Variants in PRKDC observed in about 807,000 individuals in gnomAD.
The protein encoded by PRKDC is protein kinase, DNA-activated, catalytic subunit.
A neutral mutation model predicts 486.9 loss-of-function variants in PRKDC; 82 were observed. The ratio of observed to expected loss-of-function variants is 0.17; its 90% confidence interval spans 0.14 to 0.20. The LOEUF is 0.20. Among genes scored for constraint, PRKDC ranks in the 10% least tolerant of loss-of-function variants. PRKDC has a pLI of 1.00. For synonymous variants in PRKDC, 1,895 were observed against 1,837.0 expected (o/e 1.03, Z -0.81); for missense variants, 4,504 against 5,038.2 (o/e 0.89, Z 3.21).
At chr8:47,816,676 T>C (rs1192043799) in intron 68 of PRKDC, among the ~76,000 whole-genome samples, 3 of 152,022 alleles carry the variant, frequency 2.0e-5, no homozygotes, top group African/African-American at 7.2e-5. Context: ...TAGGGTCTGG[T>C]AGAAAAGAAA....
At chr8:47,918,125 G>A (rs1168834667) in intron 22 of PRKDC, among the ~76,000 whole-genome samples, 152 bp downstream of exon 22, 1 of 152,188 alleles carries the variant, frequency 6.6e-6, no homozygotes, top group African/African-American at 2.4e-5. Flanking sequence ...GCGCCACCAT[G>A]CCTGGTCAAT....
chr8:47,845,665 A>G (rs2088247423), intron 54 of PRKDC, among the ~76,000 whole-genome samples: 3 of 151,622 alleles, frequency 2.0e-5, no homozygotes, highest in Admixed American at 6.6e-5. Context: ...AATTAAATCA[A>G]TAATGAAAAA....
chr8:47,948,115 C>CACAG (rs939727542), intron 7 of PRKDC, among the ~76,000 whole-genome samples: 18 of 151,508 alleles, frequency 1.2e-4, no homozygotes, highest in African/African-American at 4.4e-4. Flanking sequence ...CACACACACA[C>CACAG]ACACACACAC....
chr8:47,944,495 A>G (rs995344787), intron 7 of PRKDC, among the ~76,000 whole-genome samples: 12 of 151,868 alleles, frequency 7.9e-5, no homozygotes, highest in African/African-American at 2.7e-4. Flanking sequence ...AAAAAAAAAA[A>G]AAAAACAGAA....
At chr8:47,871,312 A>G (rs1264198164) in intron 40 of PRKDC, among the ~76,000 whole-genome samples, 1 of 152,224 alleles carries the variant, frequency 6.6e-6, no homozygotes, top group African/African-American at 2.4e-5. Flanking sequence ...AGAAGTCAAG[A>G]ATAAAGAAAG....
At chr8:47,912,073 T>C (rs1411303693) in intron 25 of PRKDC, among the ~76,000 whole-genome samples, 3 of 151,994 alleles carry the variant, frequency 2.0e-5, no homozygotes, top group African/African-American at 7.2e-5. Flanking sequence ...GCGCGGCCCA[T>C]GGTTATTTCT....
intron 40 of PRKDC, among the ~76,000 whole-genome samples, chr8:47,866,581 T>C (rs753957989): frequency 6.6e-6 from 1 of 152,126 alleles, no homozygotes; most frequent in Non-Finnish European, 1.5e-5. Flanking sequence ...GCAAATTAAA[T>C]ATATAAAAAT....
chr8:47,780,868 G>T (rs2086688288), intron 80 of PRKDC, among the ~76,000 whole-genome samples: 1 of 152,158 alleles, frequency 6.6e-6, no homozygotes, highest in South Asian at 2.1e-4. Flanking sequence ...AACCCGGGAA[G>T]CGGAGACCAC....
intron 39 of PRKDC, 99 bp downstream of exon 39, chr8:47,879,392 C>A: frequency 8.6e-7 from 1 of 1,156,266 alleles, no homozygotes; most frequent in South Asian, 1.7e-5. Flanking sequence ...TTTACAACTT[C>A]TCTGATTGTG....
chr8:47,914,149 T>A (rs941914750), intron 23 of PRKDC, 85 bp from the exon 24 acceptor site: 27 of 1,192,574 alleles, frequency 2.3e-5, no homozygotes, highest in Non-Finnish European at 2.8e-5. Context: ...ACATTTCTAA[T>A]GCCAGCTGTT....
At position 47,955,886 on chromosome 8, in the gene PRKDC, G is replaced by T; in HGVS notation, c.387C>A (p.Asp129Glu). 1.3e-6 allele frequency: 2 copies of T among 1,597,958 alleles called. No individual in the cohort carries two copies. The highest frequency in any genetic ancestry group is 8.6e-7 in the Non-Finnish European group (1 of 1,167,760). Residue 129 changes from aspartate to glutamate, a missense_variant, in exon 4 of 86, where the codon GAC becomes GAA. This residue lies in a region of PRKDC where 12 missense variants were observed against 31.1 expected (regional missense o/e 0.39). Coordinates refer to ENST00000314191, the MANE Select transcript of PRKDC (RefSeq NM_006904.7). ...RAAKCKIPALDLLIKLLQTFR... is the reference protein window; with the variant it reads ...RAAKCKIPALELLIKLLQTFR... ...GAAACATAATTACCTTAATAAGAAG[G>T]TCCAGGGCTGGAATTTTACATTTAG...
chr8:47,936,623 C>T (rs1360421460), intron 11 of PRKDC, 106 bp from the exon 12 acceptor site: 18 of 1,339,624 alleles, frequency 1.3e-5, no homozygotes, highest in Non-Finnish European at 1.7e-5. Flanking sequence ...TTTAACAAGG[C>T]TTCTTTTTTT....
chr8:47,885,198 T>G (rs1168452187), intron 36 of PRKDC, among the ~76,000 whole-genome samples: 1 of 152,220 alleles, frequency 6.6e-6, no homozygotes. Context: ...TTACTCAGGC[T>G]GGAGTGCAGT....
chr8:47,914,500 A>G (rs1217590932), intron 23 of PRKDC, among the ~76,000 whole-genome samples: 2 of 152,164 alleles, frequency 1.3e-5, no homozygotes, highest in African/African-American at 4.8e-5. Context: ...TCAAAAATGT[A>G]GACTTTTGGC....
At chr8:47,944,068 A>G (rs749289511) in intron 7 of PRKDC, 39 bp from the exon 8 acceptor site, 2 of 1,479,062 alleles carry the variant, frequency 1.4e-6, no homozygotes, top group Non-Finnish European at 1.9e-6. Flanking sequence ...AATCGTAATA[A>G]CAGTATCACA....
At chr8:47,819,914 C>T (rs989693853) in intron 66 of PRKDC, among the ~76,000 whole-genome samples, 5 of 152,186 alleles carry the variant, frequency 3.3e-5, no homozygotes, top group Non-Finnish European at 7.3e-5. Context: ...AATGAATATG[C>T]TTCTATGCTA....
chr8:47,839,059 C>T (rs1413934978), intron 56 of PRKDC, 89 bp downstream of exon 56: 8 of 993,618 alleles, frequency 8.1e-6, no homozygotes, highest in Non-Finnish European at 1.1e-5. Flanking sequence ...ACTGCAAATA[C>T]ATTTCTAAAA....
In PRKDC at chr8:47,957,519, TA is replaced by T. The variant is rs1002496072; in HGVS notation, c.155-89del. On this transcript the variant is annotated intron_variant, in intron 1 of 85. Transcript: ENST00000314191. ...AAAGGGGTTGCAATGATTTTCTTATTATTTTTTTTGAGATGGAGTCTCGCTC... is the reference window on the plus strand; with the variant it reads ...AAAGGGGTTGCAATGATTTTCTTATTTTTTTTTTGAGATGGAGTCTCGCTC... The T allele has an allele frequency of 1.2e-5, 14 of 1,173,744 alleles. No individual in the cohort carries two copies. In the South Asian group the frequency reaches 2.0e-4, roughly 16 times the overall value. The allele number at this position is 1,173,744 out of a possible 1,614,324, so 72.7% of individuals were successfully genotyped here.
At chr8:47,933,777 A>C (rs918477532) in intron 15 of PRKDC, among the ~76,000 whole-genome samples, 188 bp downstream of exon 15, 4 of 152,186 alleles carry the variant, frequency 2.6e-5, no homozygotes, top group African/African-American at 9.7e-5. Context: ...TGTTTCTTTC[A>C]ATTCATTTAT....
Sources: allele counts gnomAD v4.1 joint callset (sites outside exome capture counted in the v4.1 genomes callset), GRCh38; gene constraint gnomAD v4.1.1; regional missense constraint gnomAD v4.1.1; transcripts MANE v1.5; gene names NCBI Gene and HGNC (gene_info 2026-07-23, HGNC 2026-07-21).